Variants in RPAP3 observed in about 807,000 individuals in gnomAD.
RPAP3 encodes RNA polymerase II associated protein 3.
A neutral mutation model predicts 88.8 loss-of-function variants in RPAP3; 58 were observed. The ratio of observed to expected loss-of-function variants is 0.65; its 90% CI spans 0.53 to 0.81. The LOEUF is 0.81. Among genes scored for constraint, RPAP3 ranks in the 40% least tolerant of loss-of-function variants. RPAP3 has a pLI of 0.00. For missense variants in RPAP3, 751 were observed against 764.3 expected (o/e 0.98, Z 0.20); for synonymous variants, 255 against 259.9 (o/e 0.98, Z 0.18).
chr12:47,690,012 A>G (rs1391903631), intron 6 of RPAP3, among the ~76,000 whole-genome samples: 4 of 151,098 alleles, frequency 2.6e-5, no homozygotes, highest in Non-Finnish European at 5.9e-5. Context: ...ATTGCACTCC[A>G]GCCTGGGTGA....
At chr12:47,685,409 A>T (rs1023578760) in intron 9 of RPAP3, among the ~76,000 whole-genome samples, 1 of 151,816 alleles carries the variant, frequency 6.6e-6, no homozygotes, top group African/African-American at 2.4e-5. Context: ...ATATTTCCAT[A>T]TCACATTATA....
At chr12:47,670,403 G>T in intron 12 of RPAP3, 58 bp from the exon 13 acceptor site, 1 of 1,008,308 alleles carries the variant, frequency 9.9e-7, no homozygotes, top group Non-Finnish European at 1.5e-6. Context: ...CTATTTTAGG[G>T]TCACAAGTTA....
At chr12:47,698,802 G>GT (rs1422486864) in intron 3 of RPAP3, among the ~76,000 whole-genome samples, 26 of 152,044 alleles carry the variant, frequency 1.7e-4, no homozygotes, top group Admixed American at 1.7e-3. Flanking sequence ...GTAAGCCACC[G>GT]TGACGACCAT....
At chr12:47,671,206 C>T (rs112153878) in intron 12 of RPAP3, among the ~76,000 whole-genome samples, 6 of 152,168 alleles carry the variant, frequency 3.9e-5, no homozygotes, top group South Asian at 4.1e-4. Flanking sequence ...ACCAAACACA[C>T]AGAAATACAC....
At chr12:47,682,732 A>G (rs532497555) in intron 9 of RPAP3, among the ~76,000 whole-genome samples, 2 of 151,984 alleles carry the variant, frequency 1.3e-5, no homozygotes, top group Non-Finnish European at 2.9e-5. Context: ...GCCTAAATGG[A>G]TGTCATCTTG....
At chr12:47,691,900 C>T (rs1374876600) in intron 5 of RPAP3, among the ~76,000 whole-genome samples, 2 of 152,082 alleles carry the variant, frequency 1.3e-5, no homozygotes, top group Admixed American at 6.6e-5. Context: ...TGCCCGCCAC[C>T]ACGCCTGGCT....
At position 47,662,103 on chromosome 12, in the gene RPAP3, T is replaced by A. The variant is rs1020635222; in HGVS notation, c.*1402A>T. ...TACATGGTGTAATTGGTGAACAAGC[T>A]CTCTGGGGCCTCTTTTACAAGGGCC... On this transcript the variant is annotated 3_prime_UTR_variant, in exon 17 of 17. Coordinates refer to ENST00000005386, the MANE Select transcript of RPAP3 (RefSeq NM_024604.3). 7.2e-5 allele frequency: 11 copies of A among 152,124 alleles called. No individual in the cohort carries two copies. Among genetic ancestry groups the A allele is most frequent in the African/African-American group, 2.7e-4 (11 of 41,428 alleles). 9.4% of individuals were successfully genotyped at this position (152,124 alleles called of 1,614,324 possible).
rs1939651802 is a variant in RPAP3 at position 47,701,490 on chromosome 12, A to C, written c.268T>G (p.Tyr90Asp). Residue 90 changes from tyrosine (Y) to aspartate (D), a missense_variant, in exon 3 of 17, where the codon TAT (tyrosine) becomes GAT (aspartate). Physicochemically the swap from Tyr to Asp is radical, Grantham distance 160. Transcript: ENST00000005386. Reference protein sequence around the residue: ...NTKNRIKSYDYEAWAKLDVDR... With the variant: ...NTKNRIKSYDDEAWAKLDVDR... ...ACATCAAGTTTTGCCCATGCCTCATAATCATAAGATTTTATCCTGTTTTTT... is the reference window on the plus strand; with the variant it reads ...ACATCAAGTTTTGCCCATGCCTCATCATCATAAGATTTTATCCTGTTTTTT... 6.3e-7 allele frequency: 1 copy of C among 1,589,550 alleles called. No individual in the cohort carries two copies. The highest frequency in any genetic ancestry group is 8.5e-7 in the Non-Finnish European group (1 of 1,170,186).
chr12:47,704,322 G>T (rs576831862), intron 1 of RPAP3, among the ~76,000 whole-genome samples: 7 of 152,342 alleles, frequency 4.6e-5, no homozygotes, highest in South Asian at 2.1e-4. Context: ...AAATGCCACA[G>T]AGGGAAAGAA....
At position 47,667,847 on chromosome 12, in the gene RPAP3, A is replaced by C; in HGVS notation, c.1718T>G (p.Ile573Ser). ...CAACTTAGGATACAAAGATGGTTCA[A>C]TTTGCTTGAAAAAAAAATAAAAAGA... ...PDMLYQYLKQ[I>S]EPSLYPKLFQ... The change falls in exon 15 of 17, where the codon ATT becomes AGT. Residue 573 changes from isoleucine to serine, a missense_variant. Coordinates refer to ENST00000005386, the MANE Select transcript of RPAP3 (RefSeq NM_024604.3). 1 of 1,583,866 alleles carries C rather than the reference A, an allele frequency of 6.3e-7. No individual in the cohort carries two copies. Among genetic ancestry groups the C allele is most frequent in the African/African-American group, 1.4e-5 (1 of 74,042 alleles).
intron 13 of RPAP3, among the ~76,000 whole-genome samples, chr12:47,669,543 G>A (rs1938954056): frequency 6.6e-6 from 1 of 151,930 alleles, no homozygotes; most frequent in Non-Finnish European, 1.5e-5. Context: ...TACTACTAAA[G>A]TTCAAAGTTT....
At chr12:47,664,933 G>A (rs1205445744) in intron 16 of RPAP3, 1 of 151,976 alleles carries the variant, frequency 6.6e-6, no homozygotes, top group Non-Finnish European at 1.5e-5. Context: ...GGTAAGAAGA[G>A]AGAGGTTCAT....
chr12:47,704,374 T>C (rs1295969429), intron 1 of RPAP3, among the ~76,000 whole-genome samples: 1 of 152,036 alleles, frequency 6.6e-6, no homozygotes, highest in Non-Finnish European at 1.5e-5. Flanking sequence ...TCAGAGTTTT[T>C]GTTTTTTTTC....
chr12:47,677,077 G>A (rs1939130672), intron 12 of RPAP3, among the ~76,000 whole-genome samples: 1 of 152,120 alleles, frequency 6.6e-6, no homozygotes, highest in Admixed American at 6.5e-5. Flanking sequence ...GGGAAGAAAG[G>A]CTGCTTCAAT....
chr12:47,688,184 T>C (rs993377012), intron 7 of RPAP3, among the ~76,000 whole-genome samples, 183 bp from the exon 8 acceptor site: 1 of 152,202 alleles, frequency 6.6e-6, no homozygotes, highest in Non-Finnish European at 1.5e-5. Context: ...AAAATAAGCA[T>C]ATAATAAATT....
chr12:47,687,843 T>C (rs757094295), intron 8 of RPAP3, 33 bp downstream of exon 8: 5 of 1,601,674 alleles, frequency 3.1e-6, no homozygotes, highest in Non-Finnish European at 4.3e-6. Context: ...CAGCAAAACA[T>C]ATACATTGTA....
intron 5 of RPAP3, among the ~76,000 whole-genome samples, chr12:47,690,952 T>C (rs1203941812): frequency 6.6e-6 from 1 of 152,254 alleles, no homozygotes; most frequent in African/African-American, 2.4e-5. Context: ...AAAAGCTTTA[T>C]GTCTAAATAA....
intron 12 of RPAP3, among the ~76,000 whole-genome samples, chr12:47,671,244 T>C (rs1938990653): frequency 6.6e-6 from 1 of 152,056 alleles, no homozygotes; most frequent in Non-Finnish European, 1.5e-5. Flanking sequence ...ACCAAGGGCA[T>C]TGAAAAATGA....
chr12:47,680,233 T>C (rs753837515), intron 10 of RPAP3, among the ~76,000 whole-genome samples: 5 of 152,128 alleles, frequency 3.3e-5, no homozygotes, highest in Non-Finnish European at 7.4e-5. Flanking sequence ...TCCACTTACA[T>C]AGGATATCTA....
Sources: gnomAD v4.1 joint callset for allele counts (sites outside exome capture counted in the v4.1 genomes callset) on GRCh38, gnomAD v4.1.1 for gene constraint, MANE v1.5 for transcripts, NCBI Gene and HGNC (gene_info 2026-07-23, HGNC 2026-07-21) for gene names.